Variants in MINDY3 observed in about 807,000 individuals in gnomAD.
MINDY3 encodes ubiquitin carboxyl-terminal hydrolase MINDY-3.
In MINDY3, 38 loss-of-function variants were observed where a neutral mutation model predicts 69.2. The observed-to-expected ratio is 0.55, with a 90% CI of 0.42 to 0.72. MINDY3 has a LOEUF of 0.72. MINDY3 is among the 30% of genes least tolerant of loss of function. The pLI, the probability that MINDY3 is intolerant of heterozygous loss-of-function variation, is 0.00. For missense variants in MINDY3, 522 were observed against 519.0 expected (o/e 1.01, Z -0.06); for synonymous variants, 192 against 180.1 (o/e 1.07, Z -0.53).
intron 10 of MINDY3, among the ~76,000 whole-genome samples, chr10:15,814,060 A>C (rs551240370): frequency 1.2e-3 from 184 of 152,148 alleles, no homozygotes; most frequent in African/African-American, 4.3e-3. Flanking sequence ...TTAAAGAAGG[A>C]ATGGCCGAAT....
intron 6 of MINDY3, among the ~76,000 whole-genome samples, chr10:15,835,185 T>TA (rs764209201): frequency 3.3e-5 from 5 of 152,070 alleles, no homozygotes; most frequent in Non-Finnish European, 7.4e-5. Context: ...CTTCTTTTCT[T>TA]AAAAACCAAT....
intron 8 of MINDY3, among the ~76,000 whole-genome samples, chr10:15,822,360 G>A (rs954643765): frequency 3.3e-5 from 5 of 152,166 alleles, no homozygotes; most frequent in Non-Finnish European, 2.9e-5. Flanking sequence ...GGAGTGGTAT[G>A]AGAGTATCTG....
chr10:15,779,467 T>G (rs1379008053), intron 14 of MINDY3, among the ~76,000 whole-genome samples: 4 of 152,180 alleles, frequency 2.6e-5, no homozygotes, highest in Admixed American at 2.6e-4. Flanking sequence ...AATGCTTAAT[T>G]ATCATATTTA....
intron 6 of MINDY3, 42 bp from the exon 7 acceptor site, chr10:15,834,658 A>C (rs923103226): frequency 2.9e-6 from 4 of 1,361,302 alleles, no homozygotes; most frequent in African/African-American, 2.9e-5. Flanking sequence ...AAAAACTAAA[A>C]TGAAAATTAT....
intron 6 of MINDY3, among the ~76,000 whole-genome samples, chr10:15,835,597 T>G (rs1833018489): frequency 6.6e-6 from 1 of 151,978 alleles, no homozygotes; most frequent in Admixed American, 6.6e-5. Context: ...AAGGACAACT[T>G]GCATGATAAT....
At chr10:15,783,901 C>T (rs1199209177) in intron 13 of MINDY3, among the ~76,000 whole-genome samples, 1 of 152,154 alleles carries the variant, frequency 6.6e-6, no homozygotes, top group East Asian at 1.9e-4. Flanking sequence ...CAGTAATTAA[C>T]TGGCATAAAA....
chr10:15,843,644 A>G (rs1320752522), intron 2 of MINDY3, among the ~76,000 whole-genome samples: 1 of 152,144 alleles, frequency 6.6e-6, no homozygotes, highest in Admixed American at 6.6e-5. Flanking sequence ...TCCTTCAGGT[A>G]AAAGAAATCT....
chr10:15,843,185 A>G (rs1466070485), intron 3 of MINDY3, 27 bp downstream of exon 3: 13 of 1,594,054 alleles, frequency 8.2e-6, no homozygotes, highest in East Asian at 6.7e-5. Flanking sequence ...AGGAGGAAGC[A>G]AAAGTTTTAA....
intron 11 of MINDY3, among the ~76,000 whole-genome samples, chr10:15,791,236 G>A (rs1174588395): frequency 6.6e-6 from 1 of 151,928 alleles, no homozygotes; most frequent in African/African-American, 2.4e-5. Context: ...CTTTGTAGAA[G>A]ACTTACTTTG....
Position 15,834,530 on chromosome 10 carries a change from TTTAG to T in MINDY3, c.650+9_650+12del, listed in dbSNP as rs1354291561. 6.3e-7 allele frequency: 1 copy of T among 1,591,970 alleles called. No homozygotes were observed. Among genetic ancestry groups the T allele is most frequent in the African/African-American group, 1.3e-5 (1 of 74,268 alleles). The stretch of plus-strand genomic sequence containing the variant: ...GAGTTCACATGAGGAGACAAGAGAT[TTTAG>T]TTAATTACCTGCCATGTCCATATAC... On this transcript the variant is annotated intron_variant, in intron 7 of 14. Coordinates refer to ENST00000277632, the MANE Select transcript of MINDY3 (RefSeq NM_024948.4).
chr10:15,834,393 G>A (rs1832937665), intron 7 of MINDY3, 150 bp downstream of exon 7: 1 of 457,240 alleles, frequency 2.2e-6, no homozygotes, highest in Non-Finnish European at 3.9e-6. Flanking sequence ...AGCAAACAAT[G>A]CATAATACAA....
Position 15,796,154 on chromosome 10 carries a change from G to A in MINDY3, c.901C>T (p.Pro301Ser). ...FFAKDMALVA[P>S]EAPSEQARRV... ...CTGGCTTGTTCTGAAGGAGCTTCAG[G>A]GGCAACTAAAGCCATATCCTGAAAA... The change falls in exon 11 of 15, where the codon CCT becomes TCT. Residue 301 changes from proline (P) to serine (S), a missense_variant. Physicochemically the swap from Pro to Ser is moderately conservative, Grantham distance 74 (BLOSUM62 -1). Transcript: ENST00000277632. The A allele has an allele frequency of 6.2e-7, 1 of 1,612,508 alleles. No homozygotes were observed. Among genetic ancestry groups the A allele is most frequent in the Non-Finnish European group, 8.5e-7 (1 of 1,178,970 alleles).
At position 15,848,659 on chromosome 10, in the gene MINDY3, A is replaced by G. The variant is rs951426658; in HGVS notation, c.95-716T>C. On this transcript the variant is annotated intron_variant, in intron 1 of 14. Coordinates refer to ENST00000277632, the MANE Select transcript of MINDY3 (RefSeq NM_024948.4). ...AAAAAAAAAAAAAAAAAAAAAAAAA[A>G]AAAGAAAGAAAAATTAAATGGCATT... 7.7e-4 allele frequency among the ~76,000 whole-genome samples: 95 copies of G among 123,738 alleles called. 2 individuals carry two copies. In the East Asian group the frequency reaches 0.01, roughly 13 times the overall value. The allele number at this position is 123,738 out of a possible 152,430, so 81.2% of individuals were successfully genotyped here.
At chr10:15,793,635 G>C (rs1446279151) in intron 11 of MINDY3, among the ~76,000 whole-genome samples, 1 of 152,032 alleles carries the variant, frequency 6.6e-6, no homozygotes, top group East Asian at 1.9e-4. Context: ...AGAGAGAAGG[G>C]GAAAGATTGC....
chr10:15,783,028 G>A (rs1352849269), intron 13 of MINDY3, among the ~76,000 whole-genome samples: 1 of 152,124 alleles, frequency 6.6e-6, no homozygotes, highest in African/African-American at 2.4e-5. Context: ...GGCCATATCC[G>A]ATGGATACAA....
At chr10:15,819,346 T>C (rs1163174105) in intron 9 of MINDY3, among the ~76,000 whole-genome samples, 1 of 152,154 alleles carries the variant, frequency 6.6e-6, no homozygotes, top group Non-Finnish European at 1.5e-5. Flanking sequence ...TAGCGTAATA[T>C]AGTTTTTCAA....
chr10:15,850,246 T>C (rs1015860918), intron 1 of MINDY3, among the ~76,000 whole-genome samples: 12 of 152,132 alleles, frequency 7.9e-5, no homozygotes, highest in Non-Finnish European at 1.3e-4. Context: ...CCTGTGATGA[T>C]TGTGTTATCT....
chr10:15,833,874 A>G (rs1588618550), intron 7 of MINDY3, among the ~76,000 whole-genome samples, 165 bp from the exon 8 acceptor site: 1 of 152,104 alleles, frequency 6.6e-6, no homozygotes, highest in East Asian at 1.9e-4. Flanking sequence ...GCCTTGCTAA[A>G]TGTATCACCA....
At chr10:15,812,886 C>A (rs1393021673) in intron 10 of MINDY3, among the ~76,000 whole-genome samples, 1 of 152,182 alleles carries the variant, frequency 6.6e-6, no homozygotes, top group African/African-American at 2.4e-5. Context: ...CCCTCCGCTG[C>A]CAATCCAATC....
Sources: allele counts gnomAD v4.1 joint callset (sites outside exome capture counted in the v4.1 genomes callset), GRCh38; gene constraint gnomAD v4.1.1; transcripts MANE v1.5; gene names NCBI Gene and HGNC (gene_info 2026-07-23, HGNC 2026-07-21).